NRXN3: variants seen among roughly 807,000 people sequenced by gnomAD.
The protein encoded by NRXN3 is neurexin III.
NRXN3 carries 32 observed loss-of-function variants against 137.6 expected under a neutral mutation model. The ratio of observed to expected loss-of-function variants is 0.23; its 90% CI spans 0.18 to 0.31. The LOEUF is 0.31. NRXN3 is among the 10% of genes least tolerant of loss of function. The pLI is 1.00. For missense variants in NRXN3, 1,574 were observed against 2,062.5 expected, an observed-to-expected ratio of 0.76 and a Z score of 4.59; for synonymous variants, 798 against 784.5, an observed-to-expected ratio of 1.02 and a Z score of -0.29.
intron 4 of NRXN3, among the ~76,000 whole-genome samples, chr14:78,496,815 G>A (rs561974417): frequency 7.9e-5 from 12 of 152,134 alleles, no homozygotes; most frequent in Admixed American, 5.2e-4. Context: ...ATGCAGGGAA[G>A]AGGGAGAAGT....
chr14:79,059,531 A>G (rs1398455814), intron 15 of NRXN3, among the ~76,000 whole-genome samples: 1 of 152,090 alleles, frequency 6.6e-6, no homozygotes, highest in African/African-American at 2.4e-5. Context: ...TGCTGGGATT[A>G]CAGGCATGAG....
intron 17 of NRXN3, among the ~76,000 whole-genome samples, chr14:79,677,230 A>G (rs1231326357): frequency 6.6e-6 from 1 of 152,064 alleles, no homozygotes; most frequent in East Asian, 1.9e-4. Flanking sequence ...ATTGCCAAGT[A>G]TAATTAAACA....
chr14:79,728,122 A>G lies in NRXN3; in HGVS notation c.4014+30185A>G, dbSNP rs557210825. ...TGCTAGGGTAGAGTACTTTAGAGCAAGAGTAGTCCTGCGGTATGTTAACTG... is the reference window on the plus strand; with the variant it reads ...TGCTAGGGTAGAGTACTTTAGAGCAGGAGTAGTCCTGCGGTATGTTAACTG... On this transcript the variant is annotated intron_variant, in intron 19 of 20. Transcript: ENST00000335750. Among the ~76,000 whole-genome samples, 6 of 152,308 alleles carry G rather than the reference A, an allele frequency of 3.9e-5. No individual in the cohort carries two copies. The South Asian group carries it at 1.0e-3, about 26-fold the overall frequency.
At chr14:79,511,769 C>T (rs2096934718) in intron 16 of NRXN3, among the ~76,000 whole-genome samples, 1 of 152,162 alleles carries the variant, frequency 6.6e-6, no homozygotes, top group African/African-American at 2.4e-5. Flanking sequence ...GACCCCTTGC[C>T]TCAACTGGAT....
intron 10 of NRXN3, among the ~76,000 whole-genome samples, chr14:78,915,145 C>T (rs1160039960): frequency 6.6e-6 from 1 of 151,642 alleles, no homozygotes; most frequent in Non-Finnish European, 1.5e-5. Context: ...AATTGCCTTC[C>T]ATTGTCAGTG....
chr14:78,587,856 T>G (rs1016975187), intron 4 of NRXN3, among the ~76,000 whole-genome samples: 3 of 152,190 alleles, frequency 2.0e-5, no homozygotes, highest in Non-Finnish European at 4.4e-5. Flanking sequence ...TTTTTTCAGC[T>G]TCTTTAAAAA....
At chr14:78,833,787 G>C (rs2098988829) in intron 10 of NRXN3, among the ~76,000 whole-genome samples, 1 of 151,996 alleles carries the variant, frequency 6.6e-6, no homozygotes, top group Non-Finnish European at 1.5e-5. Context: ...TTCTTATTTA[G>C]TCCTCCCAAC....
intron 4 of NRXN3, among the ~76,000 whole-genome samples, chr14:78,443,879 G>C (rs1348445053): frequency 3.3e-5 from 5 of 152,182 alleles, no homozygotes. Flanking sequence ...TAACCACACT[G>C]TCATCAGGGA....
chr14:79,280,700 A>G (rs12432262), intron 15 of NRXN3, among the ~76,000 whole-genome samples: 1 of 152,090 alleles, frequency 6.6e-6, no homozygotes, highest in Non-Finnish European at 1.5e-5. Context: ...CTACTTTCTC[A>G]TAAAGGTTAG....
At chr14:79,763,936 A>C (rs1355921798) in intron 19 of NRXN3, among the ~76,000 whole-genome samples, 1 of 149,576 alleles carries the variant, frequency 6.7e-6, no homozygotes, top group Non-Finnish European at 1.5e-5. Context: ...TTTCCATGTA[A>C]AGACTTCATT....
At chr14:79,242,485 C>T (rs750386620) in intron 15 of NRXN3, among the ~76,000 whole-genome samples, 25 of 152,092 alleles carry the variant, frequency 1.6e-4, no homozygotes, top group Non-Finnish European at 2.4e-4. Flanking sequence ...AGCTTTGTGG[C>T]GTGTTTTAAT....
intron 4 of NRXN3, among the ~76,000 whole-genome samples, chr14:78,575,265 A>G (rs988722397): frequency 2.0e-5 from 3 of 152,216 alleles, no homozygotes; most frequent in African/African-American, 7.2e-5. Flanking sequence ...GCACAGACTA[A>G]TACAATGGCC....
At chr14:78,877,577 C>T (rs1359328261) in intron 10 of NRXN3, among the ~76,000 whole-genome samples, 1 of 152,214 alleles carries the variant, frequency 6.6e-6, no homozygotes, top group Non-Finnish European at 1.5e-5. Context: ...CATTGTCCCA[C>T]ACAGTGCATA....
At chr14:78,948,550 G>A (rs189851331) in intron 10 of NRXN3, among the ~76,000 whole-genome samples, 18 of 151,864 alleles carry the variant, frequency 1.2e-4, no homozygotes, top group African/African-American at 3.4e-4. Flanking sequence ...CAGGCGGCAC[G>A]TGATGCAGGG....
chr14:79,818,175 TC>T (rs1460268193), intron 20 of NRXN3, among the ~76,000 whole-genome samples: 2 of 144,120 alleles, frequency 1.4e-5, no homozygotes, highest in African/African-American at 5.1e-5. Flanking sequence ...TGCCTCAGCC[TC>T]CCGAGTAGCT....
At chr14:79,202,353 G>A (rs2066157532) in intron 15 of NRXN3, among the ~76,000 whole-genome samples, 1 of 152,048 alleles carries the variant, frequency 6.6e-6, no homozygotes. Context: ...TTGTTTTGTG[G>A]GAGAATATAC....
rs1203633877 is a variant in NRXN3 at position 79,045,440 on chromosome 14, A to G, written c.3262+57299A>G. Reference sequence around the variant, plus strand: ...GCCTGCATCCCCACAAGCCGCATGAATCATGTCCTAGGATAATGACTAGCA... The same window carrying G: ...GCCTGCATCCCCACAAGCCGCATGAGTCATGTCCTAGGATAATGACTAGCA... On this transcript the variant is annotated intron_variant, in intron 15 of 20. Coordinates refer to ENST00000335750, the MANE Select transcript of NRXN3 (RefSeq NM_001330195.2). 2.6e-5 allele frequency among the ~76,000 whole-genome samples: 4 copies of G among 152,184 alleles called. No individual in the cohort carries two copies. In the East Asian group the frequency reaches 7.7e-4, roughly 29 times the overall value.
At chr14:79,387,370 C>T (rs1475204693) in intron 15 of NRXN3, among the ~76,000 whole-genome samples, 7 of 152,240 alleles carry the variant, frequency 4.6e-5, no homozygotes, top group African/African-American at 1.7e-4. Flanking sequence ...CATCACTGGC[C>T]ATCAGAGAAA....
chr14:78,577,646 G>A (rs1402804201), intron 4 of NRXN3, among the ~76,000 whole-genome samples: 1 of 152,084 alleles, frequency 6.6e-6, no homozygotes, highest in South Asian at 2.1e-4. Context: ...TGTATTTTTA[G>A]TAGAGATGGG....
Sources: gnomAD v4.1 joint callset for allele counts (sites outside exome capture counted in the v4.1 genomes callset) on GRCh38, gnomAD v4.1.1 for gene constraint, MANE v1.5 for transcripts, NCBI Gene and HGNC (gene_info 2026-07-23, HGNC 2026-07-21) for gene names.